NOP14: variants seen among roughly 807,000 people sequenced by gnomAD.
NOP14 encodes NOP14 nucleolar protein, also known as nucleolar protein 14.
A neutral mutation model predicts 101.6 loss-of-function variants in NOP14; 57 were observed. That is an observed-to-expected ratio of 0.56 (90% CI 0.45 to 0.70). The LOEUF is 0.70. Ranked by LOEUF, NOP14 falls within the 30% of genes least tolerant of loss-of-function variation. NOP14 has a pLI of 0.00. For missense variants in NOP14, 1,134 were observed against 1,075.5 expected, an observed-to-expected ratio of 1.05 and a Z score of -0.76; for synonymous variants, 428 against 424.0, an observed-to-expected ratio of 1.01 and a Z score of -0.12.
chr4:2,961,295 T>C (rs1715881011), intron 1 of NOP14: 1 of 147,996 alleles, frequency 6.8e-6, no homozygotes, highest in African/African-American at 2.5e-5. Context: ...GTAACTATAT[T>C]AATATAGTTA....
chr4:2,939,376 G>A (rs377408156), intron 16 of NOP14, 33 bp from the exon 17 acceptor site: 1 of 1,613,590 alleles, frequency 6.2e-7, no homozygotes, highest in Admixed American at 1.7e-5. Context: ...AAGGAAGCAA[G>A]AGTCTGTCCC....
chr4:2,960,523 C>T lies in NOP14; in HGVS notation c.195+2602G>A, dbSNP rs111447144. 5.2e-3 allele frequency among the ~76,000 whole-genome samples: 786 copies of T among 151,782 alleles called. 3 individuals carry two copies. The highest frequency in any genetic ancestry group is 0.018 in the African/African-American group (742 of 41,352). ...TTAAACTATATAGATGTTGTGACATCATATGGAATTTACGGCATAAAATGG... is the reference window on the plus strand; with the variant it reads ...TTAAACTATATAGATGTTGTGACATTATATGGAATTTACGGCATAAAATGG... On this transcript the variant is annotated intron_variant, in intron 1 of 17. Coordinates refer to ENST00000416614, the MANE Select transcript of NOP14 (RefSeq NM_001291978.2).
intron 11 of NOP14, among the ~76,000 whole-genome samples, chr4:2,946,094 C>G (rs1334755470): frequency 7.6e-6 from 1 of 131,692 alleles, no homozygotes; most frequent in Non-Finnish European, 1.6e-5. Context: ...AGATCACCCT[C>G]ACTGCCGTGC....
chr4:2,942,319 C>T lies in NOP14; in HGVS notation c.1924G>A (p.Gly642Arg). 6.2e-7 allele frequency: 1 copy of T among 1,614,144 alleles called. No homozygotes were observed. The change falls in exon 14 of 18, where the codon GGG (glycine) becomes AGG (arginine). Residue 642 changes from glycine to arginine, a missense_variant. By Grantham distance (125) the Gly-to-Arg change is moderately radical (BLOSUM62 -2). Coordinates refer to ENST00000416614, the MANE Select transcript of NOP14 (RefSeq NM_001291978.2). Reference protein sequence around the residue: ...STLVHPFRALGKNSELLVVSA... With the variant: ...STLVHPFRALRKNSELLVVSA... ...ACCACGAGCAGTTCCGAGTTCTTCCCAAGCGCTCTGAAAGGGTGCACCAGA... is the reference window on the plus strand; with the variant it reads ...ACCACGAGCAGTTCCGAGTTCTTCCTAAGCGCTCTGAAAGGGTGCACCAGA...
intron 14 of NOP14, 46 bp downstream of exon 14, chr4:2,942,146 G>A (rs1237027547): frequency 1.9e-6 from 3 of 1,572,526 alleles, no homozygotes; most frequent in African/African-American, 2.7e-5. Flanking sequence ...CCTGCCTCTG[G>A]GGACGCTGTA....
At chr4:2,947,426 C>G (rs141802829) in intron 10 of NOP14, 100 bp downstream of exon 10, 4 of 856,462 alleles carry the variant, frequency 4.7e-6, no homozygotes, top group Non-Finnish European at 7.5e-6. Flanking sequence ...CATCATTCCA[C>G]CTACCTTAGT....
intron 12 of NOP14, 69 bp from the exon 13 acceptor site, chr4:2,944,295 C>G: frequency 6.7e-7 from 1 of 1,488,378 alleles, no homozygotes; most frequent in Non-Finnish European, 9.1e-7. Context: ...GACCACCGGG[C>G]TTCCCTGATG....
Position 2,949,986 on chromosome 4 carries a change from G to A in NOP14, c.1230C>T (p.Gly410=), listed in dbSNP as rs773982953. Residue 410 remains glycine, a synonymous_variant, in exon 8 of 18, where the codon GGC becomes GGT. Coordinates refer to ENST00000416614, the MANE Select transcript of NOP14 (RefSeq NM_001291978.2). The stretch of plus-strand genomic sequence containing the variant: ...TGGTAGCTTTTCCAGCTCTTTCCTT[G>A]CCGCTTATCAACCCTTTCCCAGGAG... ...RQTPGKGLIS[G]KERAGKATRD... is the part of the protein sequence containing the mutation. 26 of 1,613,996 alleles carry A rather than the reference G, an allele frequency of 1.6e-5. No homozygotes were observed. Among genetic ancestry groups the A allele is most frequent in the Middle Eastern group, 3.3e-4 (2 of 6,084 alleles).
intron 6 of NOP14, among the ~76,000 whole-genome samples, chr4:2,951,577 G>A (rs538888095): frequency 6.6e-6 from 1 of 152,268 alleles, no homozygotes; most frequent in East Asian, 1.9e-4. Context: ...GAGAATAGGA[G>A]CCAGGACGCC....
rs368745070 is a variant in NOP14 at position 2,941,622 on chromosome 4, G to A, written c.2159C>T (p.Thr720Met). The A allele has an allele frequency of 3.7e-6, 6 of 1,613,142 alleles. No individual in the cohort carries two copies. Among genetic ancestry groups the A allele is most frequent in the Non-Finnish European group, 5.1e-6 (6 of 1,179,926 alleles). ...GTGGCTGCAGTCCGCCAGGTGATCCGTGAGGAGGGCTTGGAGAGGCCCCAT... is the reference window on the plus strand; with the variant it reads ...GTGGCTGCAGTCCGCCAGGTGATCCATGAGGAGGGCTTGGAGAGGCCCCAT... ...AIMGPLQALL[T>M]DHLADCSHPQ... The change falls in exon 15 of 18, where the codon ACG becomes ATG. Residue 720 changes from threonine to methionine, a missense_variant. Thr to Met is a moderately conservative substitution (Grantham distance 81). Coordinates refer to ENST00000416614, the MANE Select transcript of NOP14 (RefSeq NM_001291978.2).
intron 6 of NOP14, among the ~76,000 whole-genome samples, chr4:2,951,627 C>A (rs936930024): frequency 1.3e-5 from 2 of 152,064 alleles, no homozygotes; most frequent in Admixed American, 6.6e-5. Context: ...TTTGACCACA[C>A]ACTGGACACG....
rs1440337016 is a variant in NOP14 at position 2,939,353 on chromosome 4, G to A, written c.2319-10C>T. The A allele has an allele frequency of 1.9e-6, 3 of 1,613,982 alleles. No homozygotes were observed. In the East Asian group the frequency reaches 6.7e-5, roughly 36 times the overall value. On this transcript the variant is annotated splice_polypyrimidine_tract_variant and intron_variant, in intron 16 of 17. Transcript: ENST00000416614. ...TCTTCCAAACTCGAGGCTACAACCAGAAAGCCACTGTTAAGGAAGCAAGAG... is the reference window on the plus strand; with the variant it reads ...TCTTCCAAACTCGAGGCTACAACCAAAAAGCCACTGTTAAGGAAGCAAGAG...
At chr4:2,958,892 G>C (rs1389657225) in intron 1 of NOP14, among the ~76,000 whole-genome samples, 2 of 152,224 alleles carry the variant, frequency 1.3e-5, no homozygotes, top group Non-Finnish European at 2.9e-5. Context: ...GAGGAAAAGA[G>C]AGTGGAAGGG....
At chr4:2,939,081 C>G in intron 17 of NOP14, 107 bp downstream of exon 17, 1 of 1,548,862 alleles carries the variant, frequency 6.5e-7, no homozygotes, top group Non-Finnish European at 8.9e-7. Flanking sequence ...AACCCCCAGC[C>G]AGAGCCAAGG....
intron 8 of NOP14, among the ~76,000 whole-genome samples, chr4:2,948,922 TG>T (rs1450069564): frequency 6.6e-6 from 1 of 152,236 alleles, no homozygotes; most frequent in Non-Finnish European, 1.5e-5. Context: ...ATCACGCACC[TG>T]GGAACAGGCT....
At position 2,956,725 on chromosome 4, in the gene NOP14, CT is replaced by C. The variant is rs1237625749; in HGVS notation, c.416del (p.Lys139SerfsTer22). The C allele has an allele frequency of 6.2e-7, 1 of 1,613,584 alleles. No homozygotes were observed. The highest frequency in any genetic ancestry group is 8.5e-7 in the Non-Finnish European group (1 of 1,179,916). ...TGTCACTGTCCACAATGTCATTATG[CT>C]TCTCGATGTCTGCCAAAGACTGGCC... is the stretch of plus-strand genomic sequence containing the variant. ...HYGQSLADIE[K>X]HNDIVDSDSD... On this transcript the variant is annotated frameshift_variant, in exon 3 of 18. Coordinates refer to ENST00000416614, the MANE Select transcript of NOP14 (RefSeq NM_001291978.2). LOFTEE classifies it high-confidence loss of function.
chr4:2,954,300 T>G, intron 4 of NOP14, 124 bp downstream of exon 4: 1 of 1,122,426 alleles, frequency 8.9e-7, no homozygotes, highest in Admixed American at 2.4e-5. Context: ...CAATAAATGC[T>G]TTTACTGAAC....
chr4:2,942,909 G>T (rs969673139), intron 13 of NOP14, among the ~76,000 whole-genome samples: 2 of 152,192 alleles, frequency 1.3e-5, no homozygotes, highest in African/African-American at 2.4e-5. Context: ...TACACGGGGA[G>T]GGGTGGAGAG....
At chr4:2,947,885 C>G (rs1253248970) in intron 9 of NOP14, among the ~76,000 whole-genome samples, 1 of 152,274 alleles carries the variant, frequency 6.6e-6, no homozygotes, top group Non-Finnish European at 1.5e-5. Flanking sequence ...CGACGAGGAA[C>G]ACGGGCAGCA....
Sources: allele counts gnomAD v4.1 joint callset (sites outside exome capture counted in the v4.1 genomes callset), GRCh38; gene constraint gnomAD v4.1.1; transcripts MANE v1.5; gene names NCBI Gene and HGNC (gene_info 2026-07-23, HGNC 2026-07-21).